SOX5: variants seen among roughly 807,000 people sequenced by gnomAD.
SOX5 encodes the protein SRY-box transcription factor 5.
SOX5 carries 9 observed loss-of-function variants against 92.0 expected under a neutral mutation model. That is an observed-to-expected ratio of 0.10 (90% CI 0.06 to 0.17). The LOEUF (loss-of-function observed/expected upper bound fraction) is 0.17. Among genes scored for constraint, SOX5 ranks in the 10% least tolerant of loss-of-function variants. The pLI, the probability that SOX5 is intolerant of heterozygous loss-of-function variation, is 1.00. For missense variants in SOX5, 642 were observed against 944.5 expected (o/e 0.68, Z 4.20); for synonymous variants, 344 against 336.3 (o/e 1.02, Z -0.25).
intron 1 of SOX5, among the ~76,000 whole-genome samples, chr12:23,924,425 AG>A (rs1243532102): frequency 1.3e-5 from 2 of 152,120 alleles, no homozygotes; most frequent in Non-Finnish European, 2.9e-5. Context: ...AGATTTACAA[AG>A]GCCTTATATA....
At chr12:24,234,215 T>G (rs913596026) in intron 3 of SOX5, among the ~76,000 whole-genome samples, 2 of 152,198 alleles carry the variant, frequency 1.3e-5, no homozygotes, top group Non-Finnish European at 2.9e-5. Context: ...TTTTGCAAAA[T>G]CATATTCGAT....
chr12:23,933,914 T>C (rs975851340), intron 1 of SOX5, among the ~76,000 whole-genome samples: 1 of 151,586 alleles, frequency 6.6e-6, no homozygotes, highest in Non-Finnish European at 1.5e-5. Flanking sequence ...ACAACTGTTA[T>C]TTAAAGGAGA....
At chr12:24,364,780 T>A (rs941536041) in intron 2 of SOX5, among the ~76,000 whole-genome samples, 1 of 151,954 alleles carries the variant, frequency 6.6e-6, no homozygotes, top group South Asian at 2.1e-4. Context: ...TGTAAACATA[T>A]GTTGTAACCT....
At chr12:23,712,333 T>C (rs374514351) in intron 6 of SOX5, among the ~76,000 whole-genome samples, 67 of 152,292 alleles carry the variant, frequency 4.4e-4, no homozygotes, top group African/African-American at 1.5e-3. Flanking sequence ...AAACCTGGTA[T>C]ATTAAAATTT....
intron 4 of SOX5, among the ~76,000 whole-genome samples, chr12:24,060,624 G>C (rs1939488852): frequency 6.6e-6 from 1 of 152,126 alleles, no homozygotes; most frequent in Non-Finnish European, 1.5e-5. Flanking sequence ...TCTCAAACAA[G>C]AGTTAGGCAT....
chr12:23,763,602 A>C (rs1007066568), intron 3 of SOX5, among the ~76,000 whole-genome samples: 4 of 152,154 alleles, frequency 2.6e-5, no homozygotes. Flanking sequence ...AAGTTAATGT[A>C]TAAAACGCCC....
chr12:24,515,577 G>A (rs1357370068), intron 1 of SOX5, among the ~76,000 whole-genome samples: 1 of 152,102 alleles, frequency 6.6e-6, no homozygotes, highest in Non-Finnish European at 1.5e-5. Flanking sequence ...AGTCTAATAA[G>A]TCTACCAAAA....
intron 4 of SOX5, among the ~76,000 whole-genome samples, chr12:24,055,283 T>C (rs952054817): frequency 6.6e-6 from 1 of 152,206 alleles, no homozygotes; most frequent in African/African-American, 2.4e-5. Context: ...TTCATGCCAG[T>C]GACTCATGCC....
intron 1 of SOX5, among the ~76,000 whole-genome samples, chr12:24,491,738 T>C (rs1947098902): frequency 6.6e-6 from 1 of 152,162 alleles, no homozygotes; most frequent in South Asian, 2.1e-4. Flanking sequence ...ACTTAACCAG[T>C]GCACCAAAAG....
At chr12:24,397,208 T>C (rs1363736929) in intron 1 of SOX5, among the ~76,000 whole-genome samples, 1 of 151,380 alleles carries the variant, frequency 6.6e-6, no homozygotes, top group Non-Finnish European at 1.5e-5. Flanking sequence ...TCTTCCTCCC[T>C]TTTTTTTTCT....
chr12:24,303,414 A>T (rs1204798504), intron 2 of SOX5, among the ~76,000 whole-genome samples: 1 of 152,188 alleles, frequency 6.6e-6, no homozygotes, highest in East Asian at 1.9e-4. Flanking sequence ...TGTCAAGTGA[A>T]ACATATTTGG....
In SOX5 at chr12:23,665,475, G is replaced by T; in HGVS notation, c.900C>A (p.Leu300=). 1 of 1,613,604 alleles carries T rather than the reference G, an allele frequency of 6.2e-7. No individual in the cohort carries two copies. The highest frequency in any genetic ancestry group is 1.1e-5 in the South Asian group (1 of 91,076). ...LAAAAQQGFL[L]PPGFSYKAGC... is the part of the protein sequence containing the mutation. ...CAGCCTTATAGCTGAAGCCTGGAGG[G>T]AGGAGGAATCCTTGCTGGGCAGCTG... Residue 300 remains leucine, a synonymous_variant, in exon 7 of 15, where the codon CTC becomes CTA. Coordinates refer to ENST00000451604, the MANE Select transcript of SOX5 (RefSeq NM_006940.6).
chr12:23,633,246 A>T (rs1334455636), intron 8 of SOX5, among the ~76,000 whole-genome samples: 1 of 152,114 alleles, frequency 6.6e-6, no homozygotes, highest in Non-Finnish European at 1.5e-5. Context: ...GAAACAGTAC[A>T]TTACAGAAGA....
intron 1 of SOX5, among the ~76,000 whole-genome samples, chr12:24,552,063 T>TGGCCCCAG (rs57834774): frequency 0.23 from 35,285 of 151,792 alleles, 4,709 homozygotes; most frequent in African/African-American, 0.37. Context: ...TACATATAAC[T>TGGCCCCAG]GGCCCCAGGG....
intron 1 of SOX5, among the ~76,000 whole-genome samples, chr12:23,915,275 C>T (rs1336466635): frequency 6.6e-6 from 1 of 152,078 alleles, no homozygotes; most frequent in African/African-American, 2.4e-5. Flanking sequence ...AATTGAATAT[C>T]ATTTAAACCA....
rs114805363 is a variant in SOX5, at chr12:24,021,937, G to A, written c.-1-125913C>T. Among the ~76,000 whole-genome samples, 654 of 152,174 alleles carry A rather than the reference G, an allele frequency of 4.3e-3. 5 individuals are homozygous for A. Among genetic ancestry groups the A allele is most frequent in the African/African-American group, 0.015 (625 of 41,534 alleles). On this transcript the variant is annotated intron_variant, in intron 4 of 4. Coordinates refer to the SOX5 transcript ENST00000446891. Reference sequence around the variant, plus strand: ...GTGCTTTGGTGGGACTTCTCTTATCGAACATATTATTTTCTCATGTATATT... The same window carrying A: ...GTGCTTTGGTGGGACTTCTCTTATCAAACATATTATTTTCTCATGTATATT...
At chr12:23,802,505 T>TA (rs1459642998) in intron 3 of SOX5, among the ~76,000 whole-genome samples, 2 of 151,908 alleles carry the variant, frequency 1.3e-5, no homozygotes, top group Admixed American at 1.3e-4. Context: ...TTTTTTTTTT[T>TA]AACCAATTTT....
At chr12:23,922,506 A>C (rs1359999453) in intron 1 of SOX5, among the ~76,000 whole-genome samples, 1 of 152,230 alleles carries the variant, frequency 6.6e-6, no homozygotes, top group Admixed American at 6.5e-5. Flanking sequence ...ATCCACCTGC[A>C]TTCATGGGTC....
chr12:23,796,365 T>C (rs922825146), intron 3 of SOX5, among the ~76,000 whole-genome samples: 1 of 152,080 alleles, frequency 6.6e-6, no homozygotes, highest in African/African-American at 2.4e-5. Context: ...GAGGATAAAT[T>C]TCAGGAAAAG....
Sources: allele counts gnomAD v4.1 joint callset (sites outside exome capture counted in the v4.1 genomes callset), GRCh38; gene constraint gnomAD v4.1.1; transcripts MANE v1.5; gene names NCBI Gene and HGNC (gene_info 2026-07-23, HGNC 2026-07-21).